The following VPS26A variants were observed in gnomAD, a reference collection of about 807,000 sequenced individuals.
VPS26A encodes the protein VPS26 retromer complex component A.
VPS26A carries 22 observed loss-of-function variants against 42.4 expected under a neutral mutation model. The observed-to-expected ratio is 0.52, with a 90% confidence interval of 0.37 to 0.74. The LOEUF (loss-of-function observed/expected upper bound fraction) is 0.74, where lower values mean the gene tolerates loss of function less well. Among genes scored for constraint, VPS26A ranks in the 30% least tolerant of loss-of-function variants. VPS26A has a pLI of 0.00. For missense variants in VPS26A, 276 were observed against 379.2 expected, an observed-to-expected ratio of 0.73 and a Z score of 2.26; for synonymous variants, 110 against 123.5, an observed-to-expected ratio of 0.89 and a Z score of 0.73.
chr10:69,164,056 C>T (rs111285137), intron 6 of VPS26A, among the ~76,000 whole-genome samples: 6,462 of 152,078 alleles, frequency 0.042, 470 homozygotes, highest in African/African-American at 0.14. Context: ...CGTGAGCCAC[C>T]GCGCCCGGCC....
At chr10:69,134,241 T>C (rs1840854756) in intron 2 of VPS26A, among the ~76,000 whole-genome samples, 1 of 152,216 alleles carries the variant, frequency 6.6e-6, no homozygotes, top group African/African-American at 2.4e-5. Context: ...AATCTCCGCA[T>C]TAATTGATAT....
chr10:69,173,891 G>T lies in VPS26A; in HGVS notation c.*2622G>T, dbSNP rs143574062. ...ACATGCCTGTAATCCCAGCTACTAGGGAGGCTGAGGCAGAATTGCTTGAAC... is the reference window on the plus strand; with the variant it reads ...ACATGCCTGTAATCCCAGCTACTAGTGAGGCTGAGGCAGAATTGCTTGAAC... On this transcript the variant is annotated 3_prime_UTR_variant, in exon 9 of 9. Transcript: ENST00000263559. 0.015 allele frequency among the ~76,000 whole-genome samples: 2,123 copies of T among 144,324 alleles called. 21 individuals carry two copies. Among genetic ancestry groups the T allele is most frequent in the Non-Finnish European group, 0.022 (1,413 of 64,954 alleles). 94.7% of individuals were successfully genotyped at this position (144,324 alleles called of 152,430 possible).
chr10:69,138,832 A>G (rs1006343382), intron 2 of VPS26A, among the ~76,000 whole-genome samples: 2 of 152,214 alleles, frequency 1.3e-5, no homozygotes, highest in African/African-American at 4.8e-5. Context: ...AGCATATCCC[A>G]TAATTTACTC....
At chr10:69,152,831 A>G (rs1841344809) in intron 2 of VPS26A, among the ~76,000 whole-genome samples, 1 of 151,930 alleles carries the variant, frequency 6.6e-6, no homozygotes, top group Non-Finnish European at 1.5e-5. Flanking sequence ...TTAGCCGGGC[A>G]TGGTGGCGGG....
rs1309700918 is a variant in VPS26A, at chr10:69,166,737, A to G, written c.727+627A>G. On this transcript the variant is annotated intron_variant, in intron 7 of 8. Transcript: ENST00000263559. ...TATGTGTACTCTTGTGTTATGCAACATTACTTTGTAAAATTCCAGCAGCCA... is the reference window on the plus strand; with the variant it reads ...TATGTGTACTCTTGTGTTATGCAACGTTACTTTGTAAAATTCCAGCAGCCA... 2.6e-5 allele frequency among the ~76,000 whole-genome samples: 4 copies of G among 152,308 alleles called. No individual in the cohort carries two copies. The East Asian group carries it at 7.7e-4, about 29-fold the overall frequency.
chr10:69,153,621 T>C (rs1361529839), intron 2 of VPS26A, among the ~76,000 whole-genome samples: 1 of 152,080 alleles, frequency 6.6e-6, no homozygotes, highest in African/African-American at 2.4e-5. Context: ...CCCAAAGTGC[T>C]GAAATTATAG....
At chr10:69,142,022 T>TA (rs1340336370) in intron 2 of VPS26A, among the ~76,000 whole-genome samples, 1 of 151,798 alleles carries the variant, frequency 6.6e-6, no homozygotes, top group East Asian at 1.9e-4. Context: ...TAGCTGGGAT[T>TA]ACAGGCGCAT....
At chr10:69,160,009 A>G (rs909503416) in intron 5 of VPS26A, among the ~76,000 whole-genome samples, 1 of 152,074 alleles carries the variant, frequency 6.6e-6, no homozygotes, top group Non-Finnish European at 1.5e-5. Flanking sequence ...CCAGGTTTAT[A>G]TCACTGAATA....
rs1325715078 is a variant in VPS26A, at chr10:69,174,093, G to A, written c.*2824G>A. On this transcript the variant is annotated 3_prime_UTR_variant, in exon 9 of 9. Transcript: ENST00000263559. ...CCCAGCCAGCAGCGGCAACCGGCTC[G>A]GGTCCCCCTCCATACTGTGGAAGCT... 2.0e-5 allele frequency among the ~76,000 whole-genome samples: 3 copies of A among 152,166 alleles called. No individual in the cohort carries two copies. The highest frequency in any genetic ancestry group is 4.4e-5 in the Non-Finnish European group (3 of 68,024).
chr10:69,136,992 A>T (rs1341757662), intron 2 of VPS26A, among the ~76,000 whole-genome samples: 1 of 151,500 alleles, frequency 6.6e-6, no homozygotes, highest in Non-Finnish European at 1.5e-5. Flanking sequence ...GCGTTTCACC[A>T]TGTTGGTCAG....
At chr10:69,142,944 A>G (rs1841076021) in intron 2 of VPS26A, among the ~76,000 whole-genome samples, 1 of 152,192 alleles carries the variant, frequency 6.6e-6, no homozygotes. Context: ...TCCTTTAGTA[A>G]TTGTGGAAAA....
intron 2 of VPS26A, among the ~76,000 whole-genome samples, chr10:69,148,941 A>T (rs1426862011): frequency 2.6e-5 from 4 of 151,962 alleles, no homozygotes; most frequent in African/African-American, 9.7e-5. Context: ...TATTTTTAGT[A>T]GAGATGGGGT....
chr10:69,145,698 C>T (rs1439663725), intron 2 of VPS26A, among the ~76,000 whole-genome samples: 1 of 150,214 alleles, frequency 6.7e-6, no homozygotes, highest in Non-Finnish European at 1.5e-5. Context: ...TTCTGTTGGC[C>T]TATTTGTGGC....
chr10:69,153,832 G>C (rs201748401), intron 2 of VPS26A, among the ~76,000 whole-genome samples: 2 of 151,968 alleles, frequency 1.3e-5, no homozygotes, highest in East Asian at 3.9e-4. Flanking sequence ...TCCTTTTTCT[G>C]ATTTCTCTGT....
At chr10:69,163,339 C>G (rs953039644) in intron 6 of VPS26A, among the ~76,000 whole-genome samples, 3 of 152,174 alleles carry the variant, frequency 2.0e-5, no homozygotes, top group African/African-American at 7.2e-5. Flanking sequence ...AGGCTAGTCT[C>G]GAACTCCTGG....
intron 2 of VPS26A, among the ~76,000 whole-genome samples, chr10:69,143,714 C>A (rs1841093891): frequency 1.3e-5 from 2 of 152,002 alleles, no homozygotes; most frequent in Non-Finnish European, 2.9e-5. Flanking sequence ...TTTTAGTTTT[C>A]AAATTAAATT....
chr10:69,168,693 C>G, intron 8 of VPS26A, 62 bp downstream of exon 8: 1 of 1,571,772 alleles, frequency 6.4e-7, no homozygotes, highest in Non-Finnish European at 8.6e-7. Flanking sequence ...CTCGAAAGCA[C>G]TCTTCTAAGC....
intron 2 of VPS26A, among the ~76,000 whole-genome samples, chr10:69,138,123 CT>C (rs1840960841): frequency 6.6e-6 from 1 of 152,164 alleles, no homozygotes; most frequent in African/African-American, 2.4e-5. Context: ...AATGTGTGGT[CT>C]TTTCCTATTT....
intron 1 of VPS26A, among the ~76,000 whole-genome samples, chr10:69,127,266 G>A (rs1271364884): frequency 6.7e-6 from 1 of 149,290 alleles, no homozygotes; most frequent in Non-Finnish European, 1.5e-5. Context: ...TTTTCGATAT[G>A]CCCTAATGTA....
Sources: allele counts gnomAD v4.1 joint callset (sites outside exome capture counted in the v4.1 genomes callset), GRCh38; gene constraint gnomAD v4.1.1; transcripts MANE v1.5; gene names NCBI Gene and HGNC (gene_info 2026-07-23, HGNC 2026-07-21).